The following EPM2A variants were observed in gnomAD, a reference collection of about 807,000 sequenced individuals.
EPM2A encodes EPM2A glucan phosphatase, laforin.
Under a neutral mutation model 26.5 loss-of-function variants are expected in EPM2A, and 21 were observed. The ratio of observed to expected loss-of-function variants is 0.79; its 90% confidence interval spans 0.56 to 1.14. EPM2A has a LOEUF of 1.14. Ranked by LOEUF, EPM2A falls within the 50% of genes most tolerant of loss-of-function variation. The pLI is 0.00. For missense variants in EPM2A, 458 were observed against 440.8 expected (o/e 1.04, Z -0.35); for synonymous variants, 217 against 177.6 (o/e 1.22, Z -1.76).
chr6:145,416,252 C>CT (rs71753932), intron 4 of EPM2A, among the ~76,000 whole-genome samples: 92,791 of 146,150 alleles, frequency 0.63, 31,066 homozygotes, highest in East Asian at 0.9. Context: ...AACAGGCAGG[C>CT]TTTTTTTTTT....
At chr6:145,694,591 G>C (rs929667018) in intron 1 of EPM2A, among the ~76,000 whole-genome samples, 5 of 151,960 alleles carry the variant, frequency 3.3e-5, no homozygotes, top group African/African-American at 1.2e-4. Flanking sequence ...GAAGTAAGAG[G>C]TGTTAAGATT....
At chr6:145,455,189 T>A (rs1235945518) in intron 4 of EPM2A, among the ~76,000 whole-genome samples, 3 of 151,998 alleles carry the variant, frequency 2.0e-5, no homozygotes, top group Non-Finnish European at 4.4e-5. Context: ...GAGGTATAAT[T>A]TAAGTGTATT....
rs186788985 is a variant in EPM2A, at chr6:145,587,689, T to C, written c.340+47556A>G. 8.8e-4 allele frequency among the ~76,000 whole-genome samples: 134 copies of C among 152,344 alleles called. 1 individual carries two copies. The highest frequency in any genetic ancestry group is 3.0e-3 in the African/African-American group (123 of 41,582). On this transcript the variant is annotated intron_variant, in intron 2 of 3. Coordinates refer to the EPM2A transcript ENST00000450221. The stretch of plus-strand genomic sequence containing the variant: ...CTTGCAATGTATCACACAAATTACA[T>C]AACCAATTCATATATTCCAATTTTC...
chr6:145,658,915 C>G (rs1778486523), intron 2 of EPM2A, among the ~76,000 whole-genome samples: 1 of 151,924 alleles, frequency 6.6e-6, no homozygotes. Flanking sequence ...GATACTTTTT[C>G]ATATACCAAT....
chr6:145,613,232 T>A (rs577514695), intron 2 of EPM2A, among the ~76,000 whole-genome samples: 1 of 152,332 alleles, frequency 6.6e-6, no homozygotes, highest in South Asian at 2.1e-4. Flanking sequence ...AAGCAACTTC[T>A]CATCTGTTCA....
intron 2 of EPM2A, among the ~76,000 whole-genome samples, chr6:145,545,966 C>T (rs146952028): frequency 6.6e-6 from 1 of 152,264 alleles, no homozygotes; most frequent in African/African-American, 2.4e-5. Flanking sequence ...TGAATGCCTT[C>T]TAATTCTCCC....
At position 145,545,663 on chromosome 6, in the gene EPM2A, T is replaced by A. The variant is rs571358402; in HGVS notation, c.341-43088A>T. Reference sequence around the variant, plus strand: ...TCACTCCTCTCCCCATCCACCTTAATGGCTTCACTACCATTACAATAAATG... The same window carrying A: ...TCACTCCTCTCCCCATCCACCTTAAAGGCTTCACTACCATTACAATAAATG... On this transcript the variant is annotated intron_variant, in intron 2 of 3. Coordinates refer to the EPM2A transcript ENST00000450221. Among the ~76,000 whole-genome samples the A allele has an allele frequency of 3.3e-5, 5 of 152,280 alleles. 1 individual carries two copies. The South Asian group carries it at 1.0e-3, about 32-fold the overall frequency.
chr6:145,599,698 C>T (rs866453336), intron 2 of EPM2A, among the ~76,000 whole-genome samples: 5 of 151,862 alleles, frequency 3.3e-5, no homozygotes, highest in African/African-American at 1.2e-4. Flanking sequence ...GAATAAAAAA[C>T]TAAAAATCTC....
chr6:145,428,505 A>G lies in EPM2A; in HGVS notation c.556-44408T>C, dbSNP rs147615199. 1.4e-3 allele frequency among the ~76,000 whole-genome samples: 210 copies of G among 152,348 alleles called. 1 individual carries two copies. Among genetic ancestry groups the G allele is most frequent in the African/African-American group, 4.9e-3 (203 of 41,576 alleles). ...TGGAGCTCTCTCTCATTCAATAAGC[A>G]CTAGCTACTCCTCATTGTAGGAGAA... On this transcript the variant is annotated intron_variant, in intron 4 of 4. Coordinates refer to the EPM2A transcript ENST00000638717.
intron 2 of EPM2A, chr6:145,636,148 A>C (rs1017140760): frequency 2.0e-5 from 3 of 152,354 alleles, no homozygotes; most frequent in Admixed American, 6.5e-5. Flanking sequence ...GAAAAAGTTA[A>C]AAACTCAGAA....
At chr6:145,585,928 GT>G (rs1469004829) in intron 2 of EPM2A, among the ~76,000 whole-genome samples, 3 of 152,138 alleles carry the variant, frequency 2.0e-5, no homozygotes, top group African/African-American at 7.2e-5. Context: ...AGGTTTTCCA[GT>G]TTGGCTCCTA....
upstream of EPM2A, chr6:145,735,862 A>T (rs1776850795): frequency 6.5e-6 from 1 of 153,418 alleles, no homozygotes; most frequent in Non-Finnish European, 1.4e-5. Flanking sequence ...TCTCTCTCCA[A>T]GAGACTGGAA....
chr6:145,518,041 G>T (rs1780153386), intron 2 of EPM2A, among the ~76,000 whole-genome samples: 1 of 152,108 alleles, frequency 6.6e-6, no homozygotes, highest in African/African-American at 2.4e-5. Context: ...TAGCCATAAA[G>T]CCTATAAACT....
At chr6:145,398,526 T>C (rs374433159) in intron 4 of EPM2A, among the ~76,000 whole-genome samples, 2 of 152,316 alleles carry the variant, frequency 1.3e-5, no homozygotes, top group Non-Finnish European at 2.9e-5. Context: ...AACAAATTAT[T>C]AGATTTGTCA....
At chr6:145,607,296 T>C (rs1775283838) in intron 2 of EPM2A, among the ~76,000 whole-genome samples, 4 of 152,170 alleles carry the variant, frequency 2.6e-5, no homozygotes, top group Admixed American at 2.6e-4. Flanking sequence ...GACTGTATCA[T>C]GGGAGCTTGG....
chr6:145,403,381 C>T (rs2114668619), intron 4 of EPM2A, among the ~76,000 whole-genome samples: 1 of 151,172 alleles, frequency 6.6e-6, no homozygotes, highest in South Asian at 2.1e-4. Flanking sequence ...CCTCCCACAC[C>T]CCCTCCCCCC....
chr6:145,552,413 G>A (rs1780668837), intron 2 of EPM2A, among the ~76,000 whole-genome samples: 2 of 152,016 alleles, frequency 1.3e-5, no homozygotes, highest in Non-Finnish European at 2.9e-5. Context: ...ACATCAGAAA[G>A]AATGAAAACC....
chr6:145,490,011 G>C (rs1327399938), intron 4 of EPM2A: 1 of 1,351,222 alleles, frequency 7.4e-7, no homozygotes, highest in Non-Finnish European at 1.0e-6. Context: ...GGATGGACGT[G>C]TTCCACAGTC....
rs907271338 is a variant in EPM2A, at chr6:145,652,823, C to T, written c.477-17337G>A. Among the ~76,000 whole-genome samples the T allele has an allele frequency of 2.6e-5, 4 of 152,158 alleles. No homozygotes were observed. The East Asian group carries it at 7.8e-4, about 30-fold the overall frequency. On this transcript the variant is annotated intron_variant, in intron 2 of 3. Transcript: ENST00000367519. Reference sequence around the variant, plus strand: ...AAATCTAGGCTTTTCATGTAGTGTGCTTCTACAGAACTGCCTGCAGCCTCT... The same window carrying T: ...AAATCTAGGCTTTTCATGTAGTGTGTTTCTACAGAACTGCCTGCAGCCTCT...
Sources: gnomAD v4.1 joint callset for allele counts (sites outside exome capture counted in the v4.1 genomes callset) on GRCh38, gnomAD v4.1.1 for gene constraint, MANE v1.5 for transcripts, NCBI Gene and HGNC (gene_info 2026-07-23, HGNC 2026-07-21) for gene names.